SLC25A21: variants seen among roughly 807,000 people sequenced by gnomAD.
The protein encoded by SLC25A21 is solute carrier family 25 member 21.
Under a neutral mutation model 43.8 loss-of-function variants are expected in SLC25A21, and 47 were observed. The observed-to-expected ratio is 1.07, with a 90% CI of 0.85 to 1.37. The LOEUF is 1.37. Among genes scored for constraint, SLC25A21 ranks in the 40% most tolerant of loss-of-function variants. The pLI, the probability that SLC25A21 is intolerant of heterozygous loss-of-function variation, is 0.00. For missense variants in SLC25A21, 352 were observed against 350.2 expected (o/e 1.00, Z -0.04); for synonymous variants, 131 against 121.3 (o/e 1.08, Z -0.52).
chr14:36,768,866 A>T (rs1463766996), intron 3 of SLC25A21, among the ~76,000 whole-genome samples: 1 of 151,926 alleles, frequency 6.6e-6, no homozygotes, highest in Non-Finnish European at 1.5e-5. Context: ...AGGCTGAGGC[A>T]GAAGGACTGC....
intron 1 of SLC25A21, among the ~76,000 whole-genome samples, chr14:36,912,477 T>A (rs1891714071): frequency 6.6e-6 from 1 of 152,096 alleles, no homozygotes; most frequent in Non-Finnish European, 1.5e-5. Flanking sequence ...ACTAAACAAA[T>A]CTGAGTGGAT....
intron 1 of SLC25A21, among the ~76,000 whole-genome samples, chr14:37,065,385 G>A (rs560348208): frequency 1.4e-3 from 217 of 152,314 alleles, no homozygotes; most frequent in Middle Eastern, 6.8e-3. Flanking sequence ...AGTGAAGCAG[G>A]AGCTCAGGGA....
At chr14:36,998,536 T>C (rs1960421011) in intron 1 of SLC25A21, among the ~76,000 whole-genome samples, 1 of 152,028 alleles carries the variant, frequency 6.6e-6, no homozygotes, top group African/African-American at 2.4e-5. Flanking sequence ...ACTCCATAAA[T>C]ATCTAGGAAA....
intron 1 of SLC25A21, among the ~76,000 whole-genome samples, chr14:37,047,449 A>G (rs549401961): frequency 6.6e-6 from 1 of 152,344 alleles, no homozygotes; most frequent in Non-Finnish European, 1.5e-5. Context: ...GCAATGTAGC[A>G]AACAGCAGAC....
chr14:36,738,813 G>T (rs1484891263), intron 3 of SLC25A21, among the ~76,000 whole-genome samples: 1 of 152,154 alleles, frequency 6.6e-6, no homozygotes, highest in Non-Finnish European at 1.5e-5. Context: ...ATGGATTTTT[G>T]TAAATATTAT....
At position 36,890,541 on chromosome 14, in the gene SLC25A21, C is replaced by T. The variant is rs180753555; in HGVS notation, c.71-15537G>A. 2.9e-3 allele frequency among the ~76,000 whole-genome samples: 437 copies of T among 152,176 alleles called. 4 individuals are homozygous for T. Among genetic ancestry groups the T allele is most frequent in the African/African-American group, 1.0e-2 (415 of 41,522 alleles). On this transcript the variant is annotated intron_variant, in intron 1 of 9. Transcript: ENST00000331299. ...CAGAAAATAAGAGATGAAGTTAACA[C>T]TAAGATAACTACTAAGTCCCACTTG...
At chr14:36,797,937 T>TGG (rs1887729521) in intron 3 of SLC25A21, among the ~76,000 whole-genome samples, 1 of 152,206 alleles carries the variant, frequency 6.6e-6, no homozygotes, top group African/African-American at 2.4e-5. Context: ...TGGTTTTACC[T>TGG]TTGCTGTCAA....
At chr14:36,739,087 T>C (rs189805860) in intron 3 of SLC25A21, among the ~76,000 whole-genome samples, 1 of 152,290 alleles carries the variant, frequency 6.6e-6, no homozygotes, top group Admixed American at 6.5e-5. Flanking sequence ...AAACAACTAT[T>C]TTAATAAAAG....
intron 2 of SLC25A21, among the ~76,000 whole-genome samples, chr14:36,849,932 A>G (rs1418400563): frequency 1.3e-5 from 2 of 152,150 alleles, no homozygotes; most frequent in South Asian, 2.1e-4. Flanking sequence ...TCAAATCTTT[A>G]TCGTTCTCCA....
At chr14:36,793,218 T>A (rs539264199) in intron 3 of SLC25A21, among the ~76,000 whole-genome samples, 1 of 152,266 alleles carries the variant, frequency 6.6e-6, no homozygotes, top group Admixed American at 6.5e-5. Flanking sequence ...ATGTGGGGAC[T>A]GCAACAGGAG....
intron 1 of SLC25A21, among the ~76,000 whole-genome samples, chr14:37,168,338 G>A (rs1278504348): frequency 3.9e-5 from 6 of 152,130 alleles, no homozygotes; most frequent in Non-Finnish European, 8.8e-5. Context: ...TCAGATGTAC[G>A]CATCAGTTTC....
At chr14:37,076,025 G>A (rs1484395808) in intron 1 of SLC25A21, among the ~76,000 whole-genome samples, 4 of 152,152 alleles carry the variant, frequency 2.6e-5, no homozygotes, top group Admixed American at 6.5e-5. Flanking sequence ...ATGCTTCCCC[G>A]AGCTAGCAAA....
Position 36,680,638 on chromosome 14 carries a change from GA to G in SLC25A21, c.*19del. 2 of 1,610,188 alleles carry G rather than the reference GA, an allele frequency of 1.2e-6. No homozygotes were observed. Among genetic ancestry groups the G allele is most frequent in the Non-Finnish European group, 8.5e-7 (1 of 1,178,214 alleles). On this transcript the variant is annotated 3_prime_UTR_variant, in exon 10 of 10. Transcript: ENST00000331299. Reference sequence around the variant, plus strand: ...AGCAAATATCCATTATCTCAAGGGGGAAAAACACTTCATAGGCAATCACCAG... The same window carrying G: ...AGCAAATATCCATTATCTCAAGGGGGAAAACACTTCATAGGCAATCACCAG...
rs113372608 is a variant in SLC25A21, at chr14:36,840,766, G to T, written c.120-26765C>A. On this transcript the variant is annotated intron_variant, in intron 2 of 9. Transcript: ENST00000331299. The stretch of plus-strand genomic sequence containing the variant: ...CAGTAATTTGTGACTTCCAAAATTT[G>T]TAGATGAATAACTTTTCAATAGCTC... Among the ~76,000 whole-genome samples, 27 of 152,276 alleles carry T rather than the reference G, an allele frequency of 1.8e-4. 1 individual carries two copies. Among genetic ancestry groups the T allele is most frequent in the African/African-American group, 6.3e-4 (26 of 41,544 alleles).
chr14:36,902,908 C>A (rs1341229144), intron 1 of SLC25A21, among the ~76,000 whole-genome samples: 1 of 152,056 alleles, frequency 6.6e-6, no homozygotes, highest in Non-Finnish European at 1.5e-5. Context: ...TTGCTTGAGG[C>A]CAGGTGGTTG....
intron 1 of SLC25A21, among the ~76,000 whole-genome samples, chr14:37,085,194 G>A (rs959786118): frequency 6.6e-6 from 1 of 152,126 alleles, no homozygotes; most frequent in Non-Finnish European, 1.5e-5. Flanking sequence ...GCATCTCAGA[G>A]ACGCCTCCCC....
chr14:36,799,085 T>C (rs1350952325), intron 3 of SLC25A21, among the ~76,000 whole-genome samples: 1 of 152,174 alleles, frequency 6.6e-6, no homozygotes, highest in African/African-American at 2.4e-5. Context: ...TTCTATACAA[T>C]AAATGTATGA....
intron 1 of SLC25A21, among the ~76,000 whole-genome samples, chr14:36,933,299 A>T (rs762878314): frequency 3.3e-5 from 5 of 152,108 alleles, no homozygotes; most frequent in Non-Finnish European, 5.9e-5. Flanking sequence ...TTAAAAATGA[A>T]TCTTCTTTCG....
intron 3 of SLC25A21, among the ~76,000 whole-genome samples, chr14:36,744,427 T>C (rs2139246551): frequency 6.6e-6 from 1 of 152,012 alleles, no homozygotes; most frequent in African/African-American, 2.4e-5. Context: ...GACAAAAATA[T>C]ATATTGGGGA....
Sources: allele counts gnomAD v4.1 joint callset (sites outside exome capture counted in the v4.1 genomes callset), GRCh38; gene constraint gnomAD v4.1.1; transcripts MANE v1.5; gene names NCBI Gene and HGNC (gene_info 2026-07-23, HGNC 2026-07-21).